PCNX2: variants seen among roughly 807,000 people sequenced by gnomAD.
The protein encoded by PCNX2 is pecanex-like protein 2.
In PCNX2, 168 loss-of-function variants were observed where a neutral mutation model predicts 223.8. The observed-to-expected ratio is 0.75, with a 90% CI of 0.66 to 0.85. The LOEUF (loss-of-function observed/expected upper bound fraction) is 0.85, where lower values mean the gene tolerates loss of function less well. Ranked by LOEUF, PCNX2 falls within the 40% of genes least tolerant of loss-of-function variation. The probability of loss-of-function intolerance (pLI) is 0.00; values close to 1 mark genes in which losing one functional copy is unlikely to be tolerated. For synonymous variants in PCNX2, 1,006 were observed against 1,052.6 expected (o/e 0.96, Z 0.86); for missense variants, 2,507 against 2,675.5 (o/e 0.94, Z 1.39).
Position 233,126,904 on chromosome 1 carries a change from G to C in PCNX2, c.3837+8109C>G, listed in dbSNP as rs1388039355. On this transcript the variant is annotated intron_variant, in intron 21 of 33. Transcript: ENST00000258229. This position sits in a 1 kb window ranked among gnomAD's most constrained non-coding sequence, Gnocchi z 4.8. ...ATCTAGTCACTGAAGTATGCTGAGA[G>C]CTCTCCCAGAGGTGGCTTTCACCTG... Among the ~76,000 whole-genome samples the C allele has an allele frequency of 1.3e-5, 2 of 152,004 alleles. No homozygotes were observed. The highest frequency in any genetic ancestry group is 4.8e-5 in the African/African-American group (2 of 41,370).
Position 233,262,845 on chromosome 1 carries a change from C to A in PCNX2, c.359+113G>T, listed in dbSNP as rs940444814. 2.4e-5 allele frequency: 22 copies of A among 914,254 alleles called. No homozygotes were observed. In the African/African-American group the frequency reaches 3.2e-4, roughly 13 times the overall value. 56.6% of individuals were successfully genotyped at this position (914,254 alleles called of 1,614,324 possible). On this transcript the variant is annotated intron_variant, in intron 2 of 33. Coordinates refer to ENST00000258229, the MANE Select transcript of PCNX2 (RefSeq NM_014801.4). ...TATATGCTGAAATATAAGAAAAATG[C>A]ATATATTTCTGTCTGCCTATACTAG...
chr1:233,272,400 C>G (rs1660686247), intron 1 of PCNX2, among the ~76,000 whole-genome samples: 1 of 151,786 alleles, frequency 6.6e-6, no homozygotes. Context: ...AAATGCTCAA[C>G]ATCGCTAATG....
In PCNX2 at chr1:232,998,383, C is replaced by T. The variant is rs536873983; in HGVS notation, c.5659G>A (p.Asp1887Asn). 1.9e-6 allele frequency: 3 copies of T among 1,613,234 alleles called. No individual in the cohort carries two copies. The highest frequency in any genetic ancestry group is 2.2e-5 in the East Asian group (1 of 44,846). Residue 1887 changes from aspartate (D) to asparagine (N), a missense_variant, in exon 32 of 34, where the codon GAC (aspartate) becomes AAC (asparagine). Transcript: ENST00000258229. ...QHSGGNIEDVDGGGAPTTGGN... is the reference protein window; with the variant it reads ...QHSGGNIEDVNGGGAPTTGGN... ...CCTGTCGTCGGGGCCCCTCCTCCGT[C>T]CACGTCTTCAATGTTGCCGCCACTG...
chr1:233,262,590 G>A (rs1183934862), intron 2 of PCNX2, among the ~76,000 whole-genome samples: 2 of 152,184 alleles, frequency 1.3e-5, no homozygotes, highest in South Asian at 2.1e-4. Context: ...TCTATGTAAT[G>A]TATTACTTTT....
At chr1:233,027,001 G>A (rs976099508) in intron 25 of PCNX2, among the ~76,000 whole-genome samples, 2 of 152,182 alleles carry the variant, frequency 1.3e-5, no homozygotes, top group South Asian at 2.1e-4. Context: ...TGTACAGAGA[G>A]TATGGAGAAG....
chr1:233,220,348 A>G (rs1657291178), intron 10 of PCNX2, among the ~76,000 whole-genome samples: 1 of 152,200 alleles, frequency 6.6e-6, no homozygotes, highest in African/African-American at 2.4e-5. Context: ...TTAGTTTTAT[A>G]AGAAACTGCT....
intron 1 of PCNX2, among the ~76,000 whole-genome samples, chr1:233,270,774 A>G (rs2103009327): frequency 6.6e-6 from 1 of 152,120 alleles, no homozygotes; most frequent in East Asian, 1.9e-4. Flanking sequence ...TTTTGATGAG[A>G]GAAATTGATG....
intron 17 of PCNX2, among the ~76,000 whole-genome samples, chr1:233,165,840 A>T (rs1678761946): frequency 6.6e-6 from 1 of 152,054 alleles, no homozygotes; most frequent in African/African-American, 2.4e-5. Flanking sequence ...TTCTAGCAGA[A>T]TTTTTTTTAG....
At chr1:233,217,600 C>T (rs985378439) in intron 12 of PCNX2, among the ~76,000 whole-genome samples, 2 of 152,092 alleles carry the variant, frequency 1.3e-5, no homozygotes, top group East Asian at 1.9e-4. Flanking sequence ...GCAACGTCTG[C>T]GGTCTTCCCC....
intron 3 of PCNX2, among the ~76,000 whole-genome samples, chr1:233,261,789 T>C (rs919345863): frequency 2.6e-5 from 4 of 152,232 alleles, no homozygotes; most frequent in African/African-American, 9.6e-5. Flanking sequence ...CTGCCCAGTG[T>C]GGTTGACCCA....
At position 233,126,239 on chromosome 1, in the gene PCNX2, G is replaced by C. The variant is rs1304771459; in HGVS notation, c.3837+8774C>G. Reference sequence around the variant, plus strand: ...AAAAAAAAATTATCTTTTGTCATTAGGCCAGTTTCATTTGGGTTTCTGTGG... The same window carrying C: ...AAAAAAAAATTATCTTTTGTCATTACGCCAGTTTCATTTGGGTTTCTGTGG... On this transcript the variant is annotated intron_variant, in intron 21 of 33. Coordinates refer to ENST00000258229, the MANE Select transcript of PCNX2 (RefSeq NM_014801.4). The surrounding 1 kb of genome is among the most constrained non-coding windows in gnomAD (Gnocchi z 4.8). 2 of 151,998 alleles carry C rather than the reference G, an allele frequency of 1.3e-5. No individual in the cohort carries two copies. The highest frequency in any genetic ancestry group is 2.9e-5 in the Non-Finnish European group (2 of 68,002). The allele number at this position is 151,998 out of a possible 1,614,324, so 9.4% of individuals were successfully genotyped here.
rs112956715 is a variant in PCNX2, at chr1:232,998,528, C to T, written c.5604-90G>A. ...ACCATGGCCTTGCCTAAATCGGGAT[C>T]GAAGAGCGTGCTCTCCAGGTGAGTA... is the stretch of plus-strand genomic sequence containing the variant. On this transcript the variant is annotated intron_variant, in intron 31 of 33. Transcript: ENST00000258229. 1,109 of 1,442,112 alleles carry T rather than the reference C, an allele frequency of 7.7e-4. 5 individuals carry two copies. In the African/African-American group the frequency reaches 0.014, roughly 19 times the overall value. 89.3% of individuals were successfully genotyped at this position (1,442,112 alleles called of 1,614,324 possible).
chr1:233,276,806 T>C (rs1660937351), intron 1 of PCNX2, among the ~76,000 whole-genome samples: 2 of 152,264 alleles, frequency 1.3e-5, no homozygotes, highest in Non-Finnish European at 2.9e-5. Flanking sequence ...GCTCAGCAAG[T>C]ACTGTTCCAT....
At chr1:233,291,399 C>T (rs1174823325) in intron 1 of PCNX2, among the ~76,000 whole-genome samples, 4 of 152,040 alleles carry the variant, frequency 2.6e-5, no homozygotes, top group Admixed American at 6.5e-5. Context: ...CACCTGATGT[C>T]GGGAGTTCAA....
chr1:233,280,841 T>C (rs541994443), intron 1 of PCNX2, among the ~76,000 whole-genome samples: 1 of 152,350 alleles, frequency 6.6e-6, no homozygotes, highest in East Asian at 1.9e-4. Context: ...TGTAAATCTG[T>C]TTCTTCTGTG....
chr1:233,049,347 A>G (rs75097065), intron 25 of PCNX2, among the ~76,000 whole-genome samples: 3,742 of 152,268 alleles, frequency 0.025, 160 homozygotes, highest in African/African-American at 0.085. Flanking sequence ...AAGTCAATAT[A>G]TGTGATTCAT....
intron 28 of PCNX2, among the ~76,000 whole-genome samples, chr1:233,014,225 G>A (rs752775865): frequency 7.9e-5 from 12 of 152,192 alleles, no homozygotes; most frequent in South Asian, 2.1e-4. Context: ...ATTCATCAAA[G>A]CTCCAAGGAG....
At chr1:233,224,594 G>T (rs74147305) in intron 10 of PCNX2, among the ~76,000 whole-genome samples, 4,479 of 152,052 alleles carry the variant, frequency 0.029, 208 homozygotes, top group African/African-American at 0.1. Context: ...CAATGATTCC[G>T]ACCCACAGCC....
intron 25 of PCNX2, among the ~76,000 whole-genome samples, chr1:233,039,944 T>C (rs763096162): frequency 2.0e-5 from 3 of 152,170 alleles, no homozygotes; most frequent in Non-Finnish European, 4.4e-5. Flanking sequence ...GTTTGAACTA[T>C]TAGATGAGCA....
Sources: allele counts gnomAD v4.1 joint callset (sites outside exome capture counted in the v4.1 genomes callset), GRCh38; gene constraint gnomAD v4.1.1; non-coding constraint Gnocchi (gnomAD v3.1); transcripts MANE v1.5; gene names NCBI Gene and HGNC (gene_info 2026-07-23, HGNC 2026-07-21).